The following XCR1 variants were observed in gnomAD, a reference collection of about 807,000 sequenced individuals.
XCR1 encodes chemokine XC receptor 1.
For synonymous variants in XCR1, 187 were observed against 188.5 expected (o/e 0.99, Z 0.06); for missense variants, 356 against 424.2 (o/e 0.84, Z 1.41).
intron 4 of XCR1, among the ~76,000 whole-genome samples, chr3:46,054,494 T>C (rs1413040692): frequency 6.6e-6 from 1 of 151,366 alleles, no homozygotes; most frequent in Admixed American, 6.6e-5. Context: ...CTAAATAATG[T>C]GTACACAAGA....
At chr3:46,061,013 T>A (rs539730782) in intron 4 of XCR1, among the ~76,000 whole-genome samples, 1 of 152,352 alleles carries the variant, frequency 6.6e-6, no homozygotes, top group Non-Finnish European at 1.5e-5. Flanking sequence ...GGGAATACCA[T>A]GATGGTGGAA....
chr3:46,058,615 A>G (rs1357035211), intron 4 of XCR1, among the ~76,000 whole-genome samples: 1 of 152,148 alleles, frequency 6.6e-6, no homozygotes, highest in East Asian at 1.9e-4. Context: ...TGGTGAGATC[A>G]TGGCTTAGTG....
intron 1 of XCR1, among the ~76,000 whole-genome samples, chr3:46,080,166 C>A (rs563632099): frequency 3.6e-5 from 5 of 139,100 alleles, no homozygotes; most frequent in African/African-American, 1.1e-4. Flanking sequence ...GCCTGGGCAA[C>A]AGAACAAGTC....
intron 5 of XCR1, among the ~76,000 whole-genome samples, chr3:46,033,073 T>C (rs1708429609): frequency 6.6e-6 from 1 of 151,278 alleles, no homozygotes; most frequent in Non-Finnish European, 1.5e-5. Flanking sequence ...GTATCTGGCT[T>C]GTCTATTCAT....
At chr3:46,050,037 CTGTT>C (rs1697710280) in intron 5 of XCR1, among the ~76,000 whole-genome samples, 1 of 152,194 alleles carries the variant, frequency 6.6e-6, no homozygotes, top group Admixed American at 6.5e-5. Flanking sequence ...AAGGTTTTGA[CTGTT>C]TGATTAGGTA....
chr3:46,063,614 A>G (rs1698007712), intron 4 of XCR1, among the ~76,000 whole-genome samples: 1 of 152,142 alleles, frequency 6.6e-6, no homozygotes, highest in South Asian at 2.1e-4. Context: ...TGAACACCCA[A>G]GGGCAGAGCC....
chr3:46,085,649 T>C (rs1462471238), intron 1 of XCR1, among the ~76,000 whole-genome samples: 1 of 152,224 alleles, frequency 6.6e-6, no homozygotes, highest in Non-Finnish European at 1.5e-5. Context: ...GATCTGCCTG[T>C]GCACTGTTCC....
At chr3:46,047,639 CT>C (rs1243779686) in intron 5 of XCR1, among the ~76,000 whole-genome samples, 1 of 152,132 alleles carries the variant, frequency 6.6e-6, no homozygotes, top group African/African-American at 2.4e-5. Flanking sequence ...TCCATATTGT[CT>C]CTTGAATTGG....
chr3:46,050,289 G>A (rs1697715804), intron 5 of XCR1, among the ~76,000 whole-genome samples: 1 of 152,212 alleles, frequency 6.6e-6, no homozygotes. Context: ...AGATGTGTAA[G>A]TTGATAGGTA....
chr3:46,079,630 T>C (rs1698322928), intron 1 of XCR1, among the ~76,000 whole-genome samples: 1 of 152,048 alleles, frequency 6.6e-6, no homozygotes, highest in Non-Finnish European at 1.5e-5. Context: ...ACCCCCTCCC[T>C]GAAACCCCAT....
intron 4 of XCR1, among the ~76,000 whole-genome samples, chr3:46,056,230 A>G (rs1244018775): frequency 1.3e-5 from 2 of 152,074 alleles, no homozygotes; most frequent in Non-Finnish European, 2.9e-5. Flanking sequence ...TTTAGTAGAG[A>G]TGGGGTTTCA....
At chr3:46,066,877 TTAATA>T (rs1256822097) in intron 4 of XCR1, among the ~76,000 whole-genome samples, 3 of 152,230 alleles carry the variant, frequency 2.0e-5, no homozygotes, top group Non-Finnish European at 1.5e-5. Flanking sequence ...ATTAAATAAA[TTAATA>T]TGAGTTAGAT....
At chr3:46,023,486 A>G (rs2125893563) in intron 1 of XCR1, 1 of 1,564,436 alleles carries the variant, frequency 6.4e-7, no homozygotes, top group Non-Finnish European at 8.8e-7. Context: ...AGGGATAGCC[A>G]CATGAAACAG....
chr3:46,062,753 G>T (rs1208830270), intron 4 of XCR1, among the ~76,000 whole-genome samples: 3 of 152,252 alleles, frequency 2.0e-5, no homozygotes, highest in African/African-American at 7.2e-5. Flanking sequence ...AGGCAACAGG[G>T]CCTTGTGGAA....
chr3:46,029,380 A>G (rs2125895329), upstream of XCR1, among the ~76,000 whole-genome samples: 2 of 152,166 alleles, frequency 1.3e-5, no homozygotes, highest in East Asian at 3.9e-4. Context: ...ATTTTTATAG[A>G]GACAGGGTTT....
upstream of XCR1, among the ~76,000 whole-genome samples, chr3:46,030,264 T>C (rs917073889): frequency 6.6e-6 from 1 of 152,240 alleles, no homozygotes; most frequent in African/African-American, 2.4e-5. Context: ...GAAAAGCTTC[T>C]AGTCTTTCAC....
At chr3:46,057,878 GTCTGTCTATCTA>G (rs1440421237) in intron 4 of XCR1, among the ~76,000 whole-genome samples, 11 of 124,292 alleles carry the variant, frequency 8.9e-5, no homozygotes, top group African/African-American at 2.4e-4. Flanking sequence ...CATCTTATCT[GTCTGTCTATCTA>G]TCTATCTATC....
rs147503111 is a variant in XCR1, at chr3:46,038,867, G to T, written c.-32+15053C>A. ...CTGTAATGAGGGAAAACTGTGATAC[G>T]GCTATAAACTTAATGCTAAGGAAAG... is the stretch of plus-strand genomic sequence containing the variant. On this transcript the variant is annotated intron_variant, in intron 5 of 5. Coordinates refer to the XCR1 transcript ENST00000683768. Among the ~76,000 whole-genome samples the T allele has an allele frequency of 2.0e-5, 3 of 151,896 alleles. No homozygotes were observed. In the South Asian group the frequency reaches 6.2e-4, roughly 32 times the overall value.
chr3:46,031,570 C>T (rs986634879), upstream of XCR1, among the ~76,000 whole-genome samples: 4 of 152,328 alleles, frequency 2.6e-5, no homozygotes, highest in Admixed American at 2.6e-4. Context: ...GCATGAACAG[C>T]CTGAGTCCCA....
Sources: allele counts gnomAD v4.1 joint callset (sites outside exome capture counted in the v4.1 genomes callset), GRCh38; gene constraint gnomAD v4.1.1; transcripts MANE v1.5; gene names NCBI Gene and HGNC (gene_info 2026-07-23, HGNC 2026-07-21).